Variants in SEMA5B observed in about 807,000 individuals in gnomAD.
SEMA5B encodes semaphorin-5B.
SEMA5B carries 66 observed loss-of-function variants against 135.0 expected under a neutral mutation model. The observed-to-expected ratio is 0.49, with a 90% confidence interval of 0.40 to 0.60. The LOEUF (loss-of-function observed/expected upper bound fraction) is 0.60, where lower values mean the gene tolerates loss of function less well. Ranked by LOEUF, SEMA5B falls within the 20% of genes least tolerant of loss-of-function variation. The pLI, the probability that SEMA5B is intolerant of heterozygous loss-of-function variation, is 0.00. For missense variants in SEMA5B, 1,501 were observed against 1,566.3 expected (o/e 0.96, Z 0.70); for synonymous variants, 690 against 639.5 (o/e 1.08, Z -1.19).
At chr3:122,930,392 G>A (rs1460684179) in intron 5 of SEMA5B, among the ~76,000 whole-genome samples, 1 of 152,216 alleles carries the variant, frequency 6.6e-6, no homozygotes, top group Non-Finnish European at 1.5e-5. Flanking sequence ...ACAGAGCCAC[G>A]GTGTTCATCT....
chr3:122,942,944 T>C (rs1939622141), intron 4 of SEMA5B, among the ~76,000 whole-genome samples: 1 of 152,190 alleles, frequency 6.6e-6, no homozygotes, highest in African/African-American at 2.4e-5. Context: ...CAGAGAGTAC[T>C]GTCTGTTGAT....
intron 12 of SEMA5B, among the ~76,000 whole-genome samples, chr3:122,920,743 C>T (rs1938305847): frequency 6.6e-6 from 1 of 152,182 alleles, no homozygotes; most frequent in Non-Finnish European, 1.5e-5. Flanking sequence ...TCTGGTTCCA[C>T]CATGTGAGTC....
chr3:122,992,070 G>T (rs1941896758), intron 1 of SEMA5B, among the ~76,000 whole-genome samples: 1 of 152,148 alleles, frequency 6.6e-6, no homozygotes, highest in Admixed American at 6.6e-5. Context: ...GGTTTTGATG[G>T]GTAGGCAGGG....
intron 1 of SEMA5B, among the ~76,000 whole-genome samples, chr3:122,984,992 A>T (rs1941650764): frequency 6.6e-6 from 1 of 152,220 alleles, no homozygotes; most frequent in Admixed American, 6.5e-5. Flanking sequence ...AGTGTCTAGG[A>T]TAGGGTATTT....
chr3:122,934,055 G>A lies in SEMA5B; in HGVS notation c.475-4997C>T, dbSNP rs147909835. Among the ~76,000 whole-genome samples, 574 of 65,752 alleles carry A rather than the reference G, an allele frequency of 8.7e-3. 11 individuals carry two copies. The highest frequency in any genetic ancestry group is 0.02 in the African/African-American group (555 of 27,118). 43.1% of individuals were successfully genotyped at this position (65,752 alleles called of 152,430 possible). On this transcript the variant is annotated intron_variant, in intron 5 of 22. Coordinates refer to ENST00000357599, the MANE Select transcript of SEMA5B (RefSeq NM_001031702.4). ...CCCGAGTAGCTGGGATTACAGGTGC[G>A]CGCCACCACACCCGGCTAATTTTGT... is the stretch of plus-strand genomic sequence containing the variant.
At chr3:122,977,415 T>C (rs72970594) in intron 1 of SEMA5B, among the ~76,000 whole-genome samples, 15,120 of 152,280 alleles carry the variant, frequency 0.099, 1,652 homozygotes, top group African/African-American at 0.28. Context: ...CGAAATACTC[T>C]TTGTTGCTTA....
intron 1 of SEMA5B, among the ~76,000 whole-genome samples, chr3:122,989,815 A>G (rs796470650): frequency 4.5e-4 from 68 of 152,172 alleles, no homozygotes; most frequent in African/African-American, 1.6e-3. Flanking sequence ...TCCCTGGGGG[A>G]GTAAAGGTCA....
At chr3:122,942,870 G>A in intron 4 of SEMA5B, among the ~76,000 whole-genome samples, 1 of 152,198 alleles carries the variant, frequency 6.6e-6, no homozygotes, top group Middle Eastern at 3.2e-3. Context: ...CAGAGCCAAT[G>A]TTCTGTGGTT....
At chr3:122,972,637 TGA>T (rs1264490907) in intron 1 of SEMA5B, among the ~76,000 whole-genome samples, 1 of 152,172 alleles carries the variant, frequency 6.6e-6, no homozygotes, top group Admixed American at 6.5e-5. Context: ...GACCCCCACC[TGA>T]GTCGGTAAGA....
intron 4 of SEMA5B, among the ~76,000 whole-genome samples, chr3:122,941,995 G>A (rs1939584511): frequency 6.6e-6 from 1 of 152,158 alleles, no homozygotes; most frequent in Non-Finnish European, 1.5e-5. Flanking sequence ...ACTCCCTCTG[G>A]GGGCACAGTC....
chr3:122,963,492 C>CA (rs71136598), intron 1 of SEMA5B, among the ~76,000 whole-genome samples: 3,334 of 121,618 alleles, frequency 0.027, 113 homozygotes, highest in African/African-American at 0.075. Flanking sequence ...GTCTCTGACT[C>CA]AAAAAAAAAA....
At chr3:122,928,272 T>C (rs954014560) in intron 7 of SEMA5B, among the ~76,000 whole-genome samples, 1 of 152,234 alleles carries the variant, frequency 6.6e-6, no homozygotes, top group African/African-American at 2.4e-5. Context: ...CAGCTCAATT[T>C]GAATTTCAGA....
chr3:122,960,619 A>C (rs768745367), intron 2 of SEMA5B, among the ~76,000 whole-genome samples: 2 of 152,276 alleles, frequency 1.3e-5, no homozygotes, highest in Non-Finnish European at 2.9e-5. Context: ...AAAGATATAT[A>C]CAATGGAATA....
At chr3:122,939,085 C>G (rs950998599) in intron 5 of SEMA5B, among the ~76,000 whole-genome samples, 4 of 152,174 alleles carry the variant, frequency 2.6e-5, no homozygotes, top group African/African-American at 9.7e-5. Flanking sequence ...CAGTATTGTC[C>G]CAGTTTTTGC....
At chr3:122,961,728 C>T (rs926118998) in intron 1 of SEMA5B, among the ~76,000 whole-genome samples, 1 of 152,140 alleles carries the variant, frequency 6.6e-6, no homozygotes. Flanking sequence ...AAAGTGTCCT[C>T]CTGCCTCTCT....
At chr3:122,991,313 G>C (rs1217644110) in intron 1 of SEMA5B, among the ~76,000 whole-genome samples, 1 of 152,164 alleles carries the variant, frequency 6.6e-6, no homozygotes, top group Non-Finnish European at 1.5e-5. Flanking sequence ...GGATGAGACC[G>C]AGTCTCAGGG....
intron 1 of SEMA5B, among the ~76,000 whole-genome samples, chr3:123,021,113 T>C (rs186200564): frequency 5.3e-5 from 8 of 152,350 alleles, no homozygotes; most frequent in Non-Finnish European, 7.3e-5. Flanking sequence ...AGGGTATCCC[T>C]GATGCCAAAC....
chr3:122,966,143 C>A (rs949673754), intron 1 of SEMA5B, among the ~76,000 whole-genome samples: 10 of 152,106 alleles, frequency 6.6e-5, no homozygotes, highest in Non-Finnish European at 1.5e-4. Flanking sequence ...TCCCATGATG[C>A]CCCCCACACT....
chr3:122,920,805 T>A (rs776050895), intron 12 of SEMA5B, among the ~76,000 whole-genome samples: 3 of 152,192 alleles, frequency 2.0e-5, no homozygotes, highest in Non-Finnish European at 4.4e-5. Flanking sequence ...TAGGCCAAGG[T>A]TCTCTTCCCA....
Sources: allele counts gnomAD v4.1 joint callset (sites outside exome capture counted in the v4.1 genomes callset), GRCh38; gene constraint gnomAD v4.1.1; transcripts MANE v1.5; gene names NCBI Gene and HGNC (gene_info 2026-07-23, HGNC 2026-07-21).